The following NUDCD1 variants were observed in gnomAD, a reference collection of about 807,000 sequenced individuals.
NUDCD1 encodes NudC domain containing 1.
A neutral mutation model predicts 67.8 loss-of-function variants in NUDCD1; 60 were observed. That is an observed-to-expected ratio of 0.88 (90% CI 0.72 to 1.10). NUDCD1 has a LOEUF of 1.10. Among genes scored for constraint, NUDCD1 ranks in the 50% least tolerant of loss-of-function variants. The pLI is 0.00. For synonymous variants in NUDCD1, 244 were observed against 230.8 expected (o/e 1.06, Z -0.52); for missense variants, 643 against 695.0 (o/e 0.93, Z 0.84).
intron 8 of NUDCD1, among the ~76,000 whole-genome samples, chr8:109,259,070 T>A (rs1813805890): frequency 1.3e-5 from 2 of 152,224 alleles, no homozygotes; most frequent in African/African-American, 4.8e-5. Context: ...CTGCATATCT[T>A]TGAAGCAGAG....
chr8:109,245,787 CTTAA>C (rs1813480610), intron 8 of NUDCD1, among the ~76,000 whole-genome samples: 1 of 152,186 alleles, frequency 6.6e-6, no homozygotes, highest in Non-Finnish European at 1.5e-5. Flanking sequence ...TATACCACCT[CTTAA>C]TTGTTAGTAA....
intron 2 of NUDCD1, chr8:109,315,657 T>C (rs1471837790): frequency 1.3e-5 from 2 of 152,204 alleles, no homozygotes; most frequent in Non-Finnish European, 2.9e-5. Context: ...TATAAGCATC[T>C]GTACCCCACT....
At chr8:109,333,213 T>C (rs535958294) in intron 1 of NUDCD1, among the ~76,000 whole-genome samples, 36 of 152,348 alleles carry the variant, frequency 2.4e-4, no homozygotes, top group African/African-American at 8.7e-4. Context: ...TGCATCAGAA[T>C]CAGCAGGGGT....
chr8:109,309,159 A>G (rs971511194), intron 2 of NUDCD1, among the ~76,000 whole-genome samples: 1 of 152,170 alleles, frequency 6.6e-6, no homozygotes, highest in Non-Finnish European at 1.5e-5. Context: ...CATAACCAAA[A>G]AAGAAAACTA....
chr8:109,303,814 C>A (rs941756301), intron 2 of NUDCD1, among the ~76,000 whole-genome samples: 2 of 152,154 alleles, frequency 1.3e-5, no homozygotes, highest in South Asian at 4.1e-4. Flanking sequence ...CTACAGCACA[C>A]TTTAAAATGA....
intron 6 of NUDCD1, among the ~76,000 whole-genome samples, chr8:109,276,195 A>T (rs899623259): frequency 1.3e-5 from 2 of 152,244 alleles, no homozygotes; most frequent in African/African-American, 4.8e-5. Flanking sequence ...GAACCCTGAG[A>T]TCAAGGACTG....
At chr8:109,270,559 T>C (rs1814125878) in intron 8 of NUDCD1, among the ~76,000 whole-genome samples, 2 of 152,170 alleles carry the variant, frequency 1.3e-5, no homozygotes, top group Non-Finnish European at 1.5e-5. Context: ...CAGAGATTTT[T>C]AAAAATAGCA....
chr8:109,244,741 C>T (rs1813455261), intron 9 of NUDCD1, among the ~76,000 whole-genome samples: 1 of 152,112 alleles, frequency 6.6e-6, no homozygotes, highest in Admixed American at 6.6e-5. Context: ...TCAATGATTG[C>T]ATACGTCTAT....
At chr8:109,269,741 T>C (rs191576535) in intron 8 of NUDCD1, among the ~76,000 whole-genome samples, 5 of 152,088 alleles carry the variant, frequency 3.3e-5, no homozygotes, top group Non-Finnish European at 7.4e-5. Context: ...ATCTCCTCTG[T>C]TGCTTTTGCT....
chr8:109,251,984 T>G (rs1813632860), intron 8 of NUDCD1, among the ~76,000 whole-genome samples: 2 of 152,198 alleles, frequency 1.3e-5, no homozygotes, highest in Non-Finnish European at 2.9e-5. Flanking sequence ...ACTTTCCTTT[T>G]GAGTTCCACT....
At chr8:109,311,122 AC>A (rs1330486288) in intron 2 of NUDCD1, among the ~76,000 whole-genome samples, 1 of 152,032 alleles carries the variant, frequency 6.6e-6, no homozygotes, top group African/African-American at 2.4e-5. Flanking sequence ...CCATGAATAG[AC>A]AATTCTTAAA....
At chr8:109,321,771 A>G (rs1815544635) in intron 2 of NUDCD1, among the ~76,000 whole-genome samples, 1 of 152,130 alleles carries the variant, frequency 6.6e-6, no homozygotes, top group African/African-American at 2.4e-5. Context: ...TGATAAATAG[A>G]AAAAGCATAT....
chr8:109,314,943 T>TA (rs1815355389), intron 2 of NUDCD1, among the ~76,000 whole-genome samples: 1 of 152,078 alleles, frequency 6.6e-6, no homozygotes, highest in Non-Finnish European at 1.5e-5. Context: ...TACTCAAGTT[T>TA]AAAAAAATAA....
chr8:109,332,428 C>A (rs554815139), intron 1 of NUDCD1, among the ~76,000 whole-genome samples: 1 of 152,292 alleles, frequency 6.6e-6, no homozygotes, highest in African/African-American at 2.4e-5. Context: ...CTGGGCTAGT[C>A]TAGTCGGCTA....
intron 1 of NUDCD1, among the ~76,000 whole-genome samples, chr8:109,331,288 C>A (rs903401602): frequency 1.3e-5 from 2 of 151,866 alleles, no homozygotes; most frequent in East Asian, 3.9e-4. Context: ...GAGCTGAGAT[C>A]GCGCCACTGC....
chr8:109,286,133 A>C (rs919250541), intron 5 of NUDCD1, among the ~76,000 whole-genome samples: 1 of 152,186 alleles, frequency 6.6e-6, no homozygotes, highest in Non-Finnish European at 1.5e-5. Flanking sequence ...AGAATTACAC[A>C]GCACTGCTGA....
chr8:109,264,687 G>C (rs1813951530), intron 8 of NUDCD1, among the ~76,000 whole-genome samples: 1 of 152,074 alleles, frequency 6.6e-6, no homozygotes, highest in Non-Finnish European at 1.5e-5. Context: ...TGATAATTAA[G>C]TATCCCTTTC....
Position 109,293,503 on chromosome 8 carries a change from C to T in NUDCD1, c.481G>A (p.Gly161Arg). 2 of 1,547,922 alleles carry T rather than the reference C, an allele frequency of 1.3e-6. No individual in the cohort carries two copies. The highest frequency in any genetic ancestry group is 2.5e-5 in the South Asian group (2 of 80,692). Residue 161 changes from glycine (G) to arginine (R), a missense_variant, in exon 4 of 10, where the codon GGG becomes AGG. Gly to Arg is a moderately radical substitution (Grantham distance 125). Transcript: ENST00000239690. Reference protein sequence around the residue: ...KWEIMFNEELGDPFIIIHSIS... With the variant: ...KWEIMFNEELRDPFIIIHSIS... ...CTGTGAATTATAATAAAAGGATCCC[C>T]AAGTTCTTCATTAAACATAATCTAC... is the stretch of plus-strand genomic sequence containing the variant.
Position 109,289,893 on chromosome 8 carries a change from A to G in NUDCD1, c.681T>C (p.Arg227=), listed in dbSNP as rs1814667713. The G allele has an allele frequency of 6.5e-6, 10 of 1,533,856 alleles. No individual in the cohort carries two copies. The highest frequency in any genetic ancestry group is 8.7e-6 in the Non-Finnish European group (10 of 1,144,688). Residue 227 remains arginine (R), a synonymous_variant, in exon 5 of 10, where the codon CGT becomes CGC. Transcript: ENST00000239690. ...KYEIIKRDIL[R]GKSVPHYAAI... is the part of the protein sequence containing the mutation. ...CAGCATAATGTGGCACTGACTTTCC[A>G]CGGAGAATATCACGCTTAATAATTT...
Sources: allele counts gnomAD v4.1 joint callset (sites outside exome capture counted in the v4.1 genomes callset), GRCh38; gene constraint gnomAD v4.1.1; transcripts MANE v1.5; gene names NCBI Gene and HGNC (gene_info 2026-07-23, HGNC 2026-07-21).